The following NR2F1-AS1 variants were observed in gnomAD, a reference collection of about 807,000 sequenced individuals.
The protein encoded by NR2F1-AS1 is NR2F1 antisense RNA 1.
chr5:93,577,791 G>T (rs1163322985), intron 1 of NR2F1-AS1, among the ~76,000 whole-genome samples: 1 of 152,132 alleles, frequency 6.6e-6, no homozygotes, highest in Non-Finnish European at 1.5e-5. Flanking sequence ...CTCAATGATT[G>T]CAGGCATGTT....
intron 4 of NR2F1-AS1, chr5:93,410,061 G>C (rs1195212170): frequency 6.6e-6 from 1 of 152,156 alleles, no homozygotes; most frequent in Non-Finnish European, 1.5e-5. Context: ...AAAATGTCTG[G>C]TATCTACAGT....
At chr5:93,540,634 T>A (rs1751930880) in intron 4 of NR2F1-AS1, among the ~76,000 whole-genome samples, 1 of 152,208 alleles carries the variant, frequency 6.6e-6, no homozygotes, top group African/African-American at 2.4e-5. Flanking sequence ...AATTCAAAAG[T>A]GACCTGTTAT....
chr5:93,452,253 T>C (rs1749847194), intron 4 of NR2F1-AS1, among the ~76,000 whole-genome samples: 1 of 152,188 alleles, frequency 6.6e-6, no homozygotes, highest in Non-Finnish European at 1.5e-5. Flanking sequence ...TTTTCACCTA[T>C]AAAGGATTAA....
chr5:93,525,273 A>G (rs1328694423), intron 4 of NR2F1-AS1, among the ~76,000 whole-genome samples: 1 of 152,242 alleles, frequency 6.6e-6, no homozygotes, highest in Non-Finnish European at 1.5e-5. Context: ...AGGGCATTAC[A>G]TAATGGTAAA....
intron 4 of NR2F1-AS1, among the ~76,000 whole-genome samples, chr5:93,525,332 C>A (rs1751588855): frequency 6.6e-6 from 1 of 152,008 alleles, no homozygotes; most frequent in Non-Finnish European, 1.5e-5. Context: ...ATATATGCAC[C>A]CAATAAAGGA....
chr5:93,582,429 C>A (rs1753124419), upstream of NR2F1-AS1, among the ~76,000 whole-genome samples: 1 of 151,948 alleles, frequency 6.6e-6, no homozygotes, highest in African/African-American at 2.4e-5. Flanking sequence ...CCTTTTAAAC[C>A]AAGGTATACT....
intron 4 of NR2F1-AS1, chr5:93,422,289 TAAGTGCTTG>T (rs1173358410): frequency 1.3e-5 from 2 of 152,318 alleles, no homozygotes; most frequent in East Asian, 3.8e-4. Context: ...CTCACTCAGC[TAAGTGCTTG>T]CTCTTGCTCA....
intron 4 of NR2F1-AS1, among the ~76,000 whole-genome samples, chr5:93,527,217 C>T (rs1200352233): frequency 1.3e-5 from 2 of 151,854 alleles, no homozygotes. Context: ...ACAGACAGAG[C>T]CAAATCATGA....
intron 4 of NR2F1-AS1, among the ~76,000 whole-genome samples, chr5:93,510,006 G>C (rs1751263944): frequency 1.3e-5 from 2 of 151,882 alleles, no homozygotes; most frequent in Admixed American, 6.6e-5. Context: ...TTTATGTGAT[G>C]TTTTACAATT....
At chr5:93,465,060 C>T (rs1047171607) in intron 4 of NR2F1-AS1, among the ~76,000 whole-genome samples, 9 of 152,178 alleles carry the variant, frequency 5.9e-5, no homozygotes, top group Non-Finnish European at 1.0e-4. Flanking sequence ...GCTGCAAAAG[C>T]CAAAATAGAA....
At chr5:93,567,270 A>C (rs1182304173) in intron 1 of NR2F1-AS1, among the ~76,000 whole-genome samples, 2 of 152,152 alleles carry the variant, frequency 1.3e-5, no homozygotes, top group Non-Finnish European at 2.9e-5. Context: ...AATTAGGGAA[A>C]ATTTTTATGG....
At chr5:93,489,604 G>A (rs1750795786) in intron 4 of NR2F1-AS1, among the ~76,000 whole-genome samples, 1 of 152,030 alleles carries the variant, frequency 6.6e-6, no homozygotes, top group African/African-American at 2.4e-5. Flanking sequence ...CTAGAGAAAA[G>A]TTTCTGAGAA....
At chr5:93,440,610 C>A (rs1366391918) in intron 4 of NR2F1-AS1, among the ~76,000 whole-genome samples, 1 of 152,172 alleles carries the variant, frequency 6.6e-6, no homozygotes, top group Non-Finnish European at 1.5e-5. Flanking sequence ...GTTTCTCAGA[C>A]TCCACAATCA....
intron 4 of NR2F1-AS1, among the ~76,000 whole-genome samples, chr5:93,413,065 T>TGG (rs2149839238): frequency 3.5e-5 from 1 of 28,538 alleles, no homozygotes; most frequent in Non-Finnish European, 6.8e-5. Flanking sequence ...AGCACTATGG[T>TGG]GTGTGTGTGT....
chr5:93,416,548 CAT>C (rs1429012145), intron 4 of NR2F1-AS1, among the ~76,000 whole-genome samples: 1 of 152,224 alleles, frequency 6.6e-6, no homozygotes, highest in Non-Finnish European at 1.5e-5. Flanking sequence ...CAACAGCTGA[CAT>C]GTGGGAGTTT....
intron 1 of NR2F1-AS1, among the ~76,000 whole-genome samples, chr5:93,576,989 CTT>C (rs1752911459): frequency 6.6e-6 from 1 of 151,998 alleles, no homozygotes; most frequent in Admixed American, 6.5e-5. Context: ...TTCCTTTTTT[CTT>C]TTTGCATAAA....
chr5:93,582,004 T>C (rs1489364897), upstream of NR2F1-AS1, among the ~76,000 whole-genome samples: 16 of 69,028 alleles, frequency 2.3e-4, no homozygotes, highest in South Asian at 4.8e-3. Context: ...TCTCCTCTCT[T>C]CTCTCTCTCT....
chr5:93,533,217 C>T (rs1284198461), intron 4 of NR2F1-AS1, among the ~76,000 whole-genome samples: 1 of 152,192 alleles, frequency 6.6e-6, no homozygotes, highest in South Asian at 2.1e-4. Context: ...TTAATGAGTA[C>T]AAATGTGGCC....
intron 4 of NR2F1-AS1, among the ~76,000 whole-genome samples, chr5:93,455,495 C>T (rs1049340719): frequency 2.0e-5 from 3 of 151,776 alleles, no homozygotes; most frequent in African/African-American, 7.3e-5. Flanking sequence ...TCAACCATAC[C>T]AATAACAACA....
Sources: gnomAD v4.1 joint callset for allele counts (sites outside exome capture counted in the v4.1 genomes callset) on GRCh38, gnomAD v4.1.1 for gene constraint, MANE v1.5 for transcripts, NCBI Gene and HGNC (gene_info 2026-07-23, HGNC 2026-07-21) for gene names.